Variants in FSCN2 observed in about 807,000 individuals in gnomAD.
FSCN2 encodes the protein fascin-2.
Under a neutral mutation model 37.8 loss-of-function variants are expected in FSCN2, and 46 were observed. That is an observed-to-expected ratio of 1.22 (90% CI 0.96 to 1.56). FSCN2 has a LOEUF of 1.56. FSCN2 is among the 40% of genes most tolerant of loss of function. The pLI is 0.00. For synonymous variants in FSCN2, 351 were observed against 309.4 expected (o/e 1.13, Z -1.41); for missense variants, 844 against 730.4 (o/e 1.16, Z -1.79).
At chr17:81,522,059 TAG>T in the FSCN2 span, among the ~76,000 whole-genome samples, 1 of 152,006 alleles carries the variant, frequency 6.6e-6, no homozygotes, top group Non-Finnish European at 1.5e-5. Context: ...CAGGCTGGAG[TAG>T]AGTGGCACGA....
At chr17:81,531,636 G>GTGGTGGTGGTGA (rs1568077813) in intron 1 of FSCN2, among the ~76,000 whole-genome samples, 4 of 116,324 alleles carry the variant, frequency 3.4e-5, no homozygotes, top group Non-Finnish European at 7.1e-5. Flanking sequence ...GGTGGTGATG[G>GTGGTGGTGGTGA]TGGTGGTGGT....
chr17:81,516,239 T>G, the FSCN2 span, among the ~76,000 whole-genome samples: 1 of 152,228 alleles, frequency 6.6e-6, no homozygotes, highest in African/African-American at 2.4e-5. Flanking sequence ...CAGCCTTGAG[T>G]TTGGCCGTAA....
At chr17:81,534,938 G>A in intron 1 of FSCN2, 114 bp from the exon 2 acceptor site, 1 of 682,134 alleles carries the variant, frequency 1.5e-6, no homozygotes, top group Non-Finnish European at 2.3e-6. Context: ...CTCAAGTCAA[G>A]AGGGTTCTAG....
rs755312581 is a variant in FSCN2 at position 81,536,987 on chromosome 17, C to T, written c.1386C>T (p.Arg462=). Residue 462 remains arginine, a synonymous_variant, in exon 5 of 5, where the codon CGC becomes CGT. Transcript: ENST00000417245. ...GTGAGCGCGGCCGCCTGGCCATCCGCGCCCGGAGCGGCAAGTACCTGCGCG... is the reference window on the plus strand; with the variant it reads ...GTGAGCGCGGCCGCCTGGCCATCCGTGCCCGGAGCGGCAAGTACCTGCGCG... The part of the protein sequence containing the change: ...EFRERGRLAI[R]ARSGKYLRGG... The T allele has an allele frequency of 5.2e-6, 8 of 1,529,010 alleles. No homozygotes were observed. The highest frequency in any genetic ancestry group is 2.0e-5 in the Admixed American group (1 of 49,396). 94.7% of individuals were successfully genotyped at this position (1,529,010 alleles called of 1,614,324 possible).
Position 81,536,711 on chromosome 17 carries a change from T to C in FSCN2, c.1195T>C (p.Ser399Pro), listed in dbSNP as rs1298943552. 3 of 1,611,162 alleles carry C rather than the reference T, an allele frequency of 1.9e-6. No homozygotes were observed. Among genetic ancestry groups the C allele is most frequent in the East Asian group, 2.2e-5 (1 of 44,880 alleles). ...CGGCTTCGTCTGCCACCACCGCGGC[T>C]CCAACCAGCTGGACACCAACCGCTC... ...LDGFVCHHRG[S>P]NQLDTNRSVY... Residue 399 changes from serine to proline, a missense_variant, in exon 4 of 5, where the codon TCC becomes CCC. Ser to Pro is a moderately conservative substitution (Grantham distance 74). Coordinates refer to ENST00000417245, the MANE Select transcript of FSCN2 (RefSeq NM_012418.4).
upstream of FSCN2, among the ~76,000 whole-genome samples, chr17:81,524,676 C>T (rs1276355080): frequency 6.6e-6 from 1 of 152,082 alleles, no homozygotes; most frequent in Non-Finnish European, 1.5e-5. Flanking sequence ...GCTAGAGTGC[C>T]CCAGCCCACC....
At chr17:81,536,522 C>T (rs953319494) in intron 3 of FSCN2, 100 bp from the exon 4 acceptor site, 16 of 1,556,262 alleles carry the variant, frequency 1.0e-5, no homozygotes, top group Non-Finnish European at 1.4e-5. Flanking sequence ...AGGCCTGGGT[C>T]CCTAAGTCCA....
At chr17:81,515,831 C>T in the FSCN2 span, among the ~76,000 whole-genome samples, 6 of 152,376 alleles carry the variant, frequency 3.9e-5, no homozygotes, top group South Asian at 2.1e-4. Context: ...CCTGGAATGT[C>T]TACTTTTTCT....
intron 1 of FSCN2, among the ~76,000 whole-genome samples, chr17:81,532,332 ATGG>A (rs1318660430): frequency 5.9e-5 from 8 of 136,380 alleles, no homozygotes; most frequent in Non-Finnish European, 4.7e-5. Context: ...GATGATAGTG[ATGG>A]TGATGATGAT....
chr17:81,536,478 G>C, intron 3 of FSCN2, 144 bp from the exon 4 acceptor site: 8 of 1,523,658 alleles, frequency 5.3e-6, no homozygotes, highest in Non-Finnish European at 7.0e-6. Context: ...GAACCCCCTA[G>C]GCGCCTTGCC....
chr17:81,534,339 T>C (rs1477270490), intron 1 of FSCN2, among the ~76,000 whole-genome samples: 1 of 152,006 alleles, frequency 6.6e-6, no homozygotes, highest in Non-Finnish European at 1.5e-5. Context: ...CCCTGGGCCT[T>C]GTGGGAAGCT....
chr17:81,531,534 G>GGTGATGATGGCGATGA (rs1568077591), intron 1 of FSCN2, among the ~76,000 whole-genome samples: 4 of 88,756 alleles, frequency 4.5e-5, no homozygotes, highest in Admixed American at 2.4e-4. Context: ...GATGGCGATG[G>GGTGATGATGGCGATGA]TGGTGATGAT....
At chr17:81,515,652 G>T in the FSCN2 span, among the ~76,000 whole-genome samples, 23 of 152,208 alleles carry the variant, frequency 1.5e-4, no homozygotes, top group Admixed American at 1.5e-3. Flanking sequence ...TCCTTGCCCT[G>T]TTCCTCCCTC....
chr17:81,518,224 GC>G, the FSCN2 span, among the ~76,000 whole-genome samples: 5 of 152,078 alleles, frequency 3.3e-5, no homozygotes. Flanking sequence ...CTCCTGGCAT[GC>G]CCCCATGCCA....
rs2032433962 is a variant in FSCN2 at position 81,528,707 on chromosome 17, T to A, written c.176T>A (p.Leu59Gln). The change falls in exon 1 of 5, where the codon CTG (leucine) becomes CAG (glutamine). Residue 59 changes from leucine (L) to glutamine (Q), a missense_variant. Physicochemically the swap from Leu to Gln is moderately radical, Grantham distance 113 (BLOSUM62 -2). Coordinates refer to ENST00000417245, the MANE Select transcript of FSCN2 (RefSeq NM_012418.4). ...GACCCAGGACAAGGCACGGCTGTGC[T>A]GCTCCGCAGCAGCCACCTGGGCCGC... is the stretch of plus-strand genomic sequence containing the variant. ...EPDPGQGTAVLLRSSHLGRYL... is the reference protein window; with the variant it reads ...EPDPGQGTAVQLRSSHLGRYL... 1 of 1,599,874 alleles carries A rather than the reference T, an allele frequency of 6.3e-7. No individual in the cohort carries two copies. The highest frequency in any genetic ancestry group is 1.7e-5 in the Admixed American group (1 of 58,074).
the FSCN2 span, among the ~76,000 whole-genome samples, chr17:81,519,662 C>T: frequency 6.6e-6 from 1 of 152,146 alleles, no homozygotes; most frequent in East Asian, 1.9e-4. Context: ...GCACACCGGA[C>T]GGTGACAGAG....
At chr17:81,533,212 A>C (rs373593580) in intron 1 of FSCN2, among the ~76,000 whole-genome samples, 1 of 152,108 alleles carries the variant, frequency 6.6e-6, no homozygotes. Context: ...GAGGGGAGTG[A>C]GCACCCAGGC....
At chr17:81,529,977 T>C (rs1490131788) in intron 1 of FSCN2, among the ~76,000 whole-genome samples, 1 of 152,082 alleles carries the variant, frequency 6.6e-6, no homozygotes, top group African/African-American at 2.4e-5. Flanking sequence ...GCCCGGCTAA[T>C]TTTTTGTATT....
chr17:81,537,052 C>G lies in FSCN2; in HGVS notation c.1451C>G (p.Pro484Arg). 6.8e-7 allele frequency: 1 copy of G among 1,466,118 alleles called. No homozygotes were observed. The highest frequency in any genetic ancestry group is 9.0e-7 in the Non-Finnish European group (1 of 1,116,064). The allele number at this position is 1,466,118 out of a possible 1,614,324, so 90.8% of individuals were successfully genotyped here. ...SGLLRADADAPAGTALWEY is the reference protein window; with the variant it reads ...SGLLRADADARAGTALWEY ...CTGCTGCGGGCCGATGCCGACGCCC[C>G]GGCCGGGACCGCGCTTTGGGAGTAC... The change falls in exon 5 of 5, where the codon CCG becomes CGG. Residue 484 changes from proline to arginine, a missense_variant. Transcript: ENST00000417245.
Sources: allele counts gnomAD v4.1 joint callset (sites outside exome capture counted in the v4.1 genomes callset), GRCh38; gene constraint gnomAD v4.1.1; transcripts MANE v1.5; gene names NCBI Gene and HGNC (gene_info 2026-07-23, HGNC 2026-07-21).